NPHP1: variants seen among roughly 807,000 people sequenced by gnomAD.
NPHP1 encodes nephrocystin-1.
Under a neutral mutation model 90.4 loss-of-function variants are expected in NPHP1, and 70 were observed. The observed-to-expected ratio is 0.77, with a 90% CI of 0.64 to 0.95. The LOEUF (loss-of-function observed/expected upper bound fraction) is 0.95, where lower values mean the gene tolerates loss of function less well. Ranked by LOEUF, NPHP1 falls within the 40% of genes least tolerant of loss-of-function variation. The pLI, the probability that NPHP1 is intolerant of heterozygous loss-of-function variation, is 0.00. For synonymous variants in NPHP1, 256 were observed against 271.7 expected, an observed-to-expected ratio of 0.94 and a Z score of 0.57; for missense variants, 764 against 795.9, an observed-to-expected ratio of 0.96 and a Z score of 0.48.
At chr2:110,145,103 C>A (rs575495497) in intron 14 of NPHP1, among the ~76,000 whole-genome samples, 1 of 152,214 alleles carries the variant, frequency 6.6e-6, no homozygotes, top group Non-Finnish European at 1.5e-5. Context: ...TATGCAAATG[C>A]AAACAAATGT....
chr2:110,151,547 A>G (rs1475441110), intron 11 of NPHP1, among the ~76,000 whole-genome samples: 1 of 152,180 alleles, frequency 6.6e-6, no homozygotes, highest in Non-Finnish European at 1.5e-5. Context: ...AATAATCCCA[A>G]ATGTGTTATA....
intron 4 of NPHP1, among the ~76,000 whole-genome samples, chr2:110,173,607 C>G (rs772824766): frequency 2.0e-5 from 3 of 152,132 alleles, no homozygotes; most frequent in African/African-American, 4.8e-5. Context: ...CAATTGTGTA[C>G]AGTATTCAGC....
At chr2:110,129,709 G>A (rs1012796800) in intron 17 of NPHP1, among the ~76,000 whole-genome samples, 6 of 152,184 alleles carry the variant, frequency 3.9e-5, no homozygotes, top group African/African-American at 1.2e-4. Context: ...AGCGCTCAGG[G>A]AAGGACCCAA....
At chr2:110,179,470 T>C (rs1259688967) in intron 3 of NPHP1, among the ~76,000 whole-genome samples, 154 bp downstream of exon 3, 1 of 152,164 alleles carries the variant, frequency 6.6e-6, no homozygotes, top group African/African-American at 2.4e-5. Flanking sequence ...AAGCACAGAC[T>C]TAGCAAGCCT....
intron 2 of NPHP1, 46 bp from the exon 3 acceptor site, chr2:110,179,730 G>T: frequency 1.2e-6 from 1 of 865,162 alleles, no homozygotes; most frequent in South Asian, 1.4e-5. Flanking sequence ...TCTATTATCA[G>T]AACCAGAAAG....
intron 14 of NPHP1, among the ~76,000 whole-genome samples, chr2:110,145,015 G>C (rs1285376710): frequency 6.6e-6 from 1 of 151,588 alleles, no homozygotes; most frequent in Non-Finnish European, 1.5e-5. Context: ...GAATGGCAGA[G>C]GAATGATAAG....
At chr2:110,190,239 T>G (rs906388567) in intron 2 of NPHP1, among the ~76,000 whole-genome samples, 2 of 152,190 alleles carry the variant, frequency 1.3e-5, no homozygotes, top group Admixed American at 1.3e-4. Flanking sequence ...CCCGCACTCC[T>G]CAGCCCTTGG....
chr2:110,160,492 G>C lies in NPHP1; in HGVS notation c.955-237C>G, dbSNP rs17842679. On this transcript the variant is annotated intron_variant, in intron 10 of 19. Transcript: ENST00000445609. ...TTTTTCTTAAATACTTAAAAGCTGTGATGAAAGGAACAATAAATATTGGCA... is the reference window on the plus strand; with the variant it reads ...TTTTTCTTAAATACTTAAAAGCTGTCATGAAAGGAACAATAAATATTGGCA... Among the ~76,000 whole-genome samples, 6,521 of 152,188 alleles carry C rather than the reference G, an allele frequency of 0.043. 457 individuals carry two copies. The highest frequency in any genetic ancestry group is 0.15 in the African/African-American group (6,041 of 41,512).
chr2:110,204,257 G>A (rs567149876), intron 1 of NPHP1, among the ~76,000 whole-genome samples: 83 of 152,268 alleles, frequency 5.5e-4, no homozygotes, highest in Admixed American at 1.4e-3. Context: ...CCTTCCTCAA[G>A]ACAGAGTGTT....
At chr2:110,139,484 C>T (rs1680468633) in intron 16 of NPHP1, among the ~76,000 whole-genome samples, 1 of 152,184 alleles carries the variant, frequency 6.6e-6, no homozygotes, top group Non-Finnish European at 1.5e-5. Flanking sequence ...AGAAGACTGC[C>T]AAGCCCCGTG....
intron 2 of NPHP1, among the ~76,000 whole-genome samples, chr2:110,187,618 T>C (rs948615580): frequency 6.6e-6 from 1 of 152,170 alleles, no homozygotes; most frequent in African/African-American, 2.4e-5. Flanking sequence ...CCATTTCTAC[T>C]GAAATTATTC....
intron 16 of NPHP1, among the ~76,000 whole-genome samples, chr2:110,132,665 A>T (rs538984019): frequency 6.6e-6 from 1 of 152,264 alleles, no homozygotes; most frequent in South Asian, 2.1e-4. Flanking sequence ...AAACAAAACA[A>T]CAACAACAAA....
At chr2:110,149,655 T>C (rs1350808518) in intron 12 of NPHP1, among the ~76,000 whole-genome samples, 2 of 152,180 alleles carry the variant, frequency 1.3e-5, no homozygotes, top group Non-Finnish European at 2.9e-5. Context: ...ACTAAATTAA[T>C]GAGACCTTGG....
At chr2:110,124,627 C>T (rs750000098) in intron 19 of NPHP1, 7 of 179,830 alleles carry the variant, frequency 3.9e-5, no homozygotes, top group Non-Finnish European at 7.2e-5. Context: ...TGTCAAGCCC[C>T]GATGCCCACA....
chr2:110,164,688 C>T lies in NPHP1; in HGVS notation c.771G>A (p.Glu257=). 1 of 1,614,046 alleles carries T rather than the reference C, an allele frequency of 6.2e-7. No homozygotes were observed. ...GATTAACAAGACAGAAGATGCCCGCCTCTGAAATCGCTTTCTGAACAGCAC... is the reference window on the plus strand; with the variant it reads ...GATTAACAAGACAGAAGATGCCCGCTTCTGAAATCGCTTTCTGAACAGCAC... ...HWSAVQKAIS[E]QINTVDVLTT... The change falls in exon 8 of 20, where the codon GAG becomes GAA. Residue 257 remains glutamate, a splice_region_variant and synonymous_variant. Transcript: ENST00000445609.
intron 16 of NPHP1, among the ~76,000 whole-genome samples, chr2:110,142,025 T>C (rs1574081360): frequency 6.6e-6 from 1 of 151,660 alleles, no homozygotes; most frequent in South Asian, 2.1e-4. Flanking sequence ...TTTGGCAGTT[T>C]CTTATAAAGT....
In NPHP1 at chr2:110,130,424, C is replaced by A. The variant is rs561850863; in HGVS notation, c.1643-1165G>T. On this transcript the variant is annotated intron_variant, in intron 17 of 19. Transcript: ENST00000445609. ...CCTTATCCTCTTTAAGAGGTCACAT[C>A]ATTCATGAAGTTTCTCAAGAGTCAT... Among the ~76,000 whole-genome samples, 15 of 152,294 alleles carry A rather than the reference C, an allele frequency of 9.8e-5. 1 individual carries two copies. In the South Asian group the frequency reaches 3.1e-3, roughly 32 times the overall value.
At chr2:110,137,620 A>G (rs1680299550) in intron 16 of NPHP1, among the ~76,000 whole-genome samples, 1 of 152,202 alleles carries the variant, frequency 6.6e-6, no homozygotes, top group Non-Finnish European at 1.5e-5. Flanking sequence ...CAAAACCACA[A>G]TGAGATACCA....
At chr2:110,161,494 A>AT (rs1271884593) in intron 10 of NPHP1, 109 bp downstream of exon 10, 2 of 727,496 alleles carry the variant, frequency 2.7e-6, no homozygotes, top group Non-Finnish European at 2.3e-6. Flanking sequence ...ATCATAAACA[A>AT]TTTTTTTGTT....
Sources: allele counts gnomAD v4.1 joint callset (sites outside exome capture counted in the v4.1 genomes callset), GRCh38; gene constraint gnomAD v4.1.1; transcripts MANE v1.5; gene names NCBI Gene and HGNC (gene_info 2026-07-23, HGNC 2026-07-21).